Variants in GRIK2 observed in about 807,000 individuals in gnomAD.
GRIK2 encodes glutamate ionotropic receptor kainate type subunit 2.
In GRIK2, 32 loss-of-function variants were observed where a neutral mutation model predicts 100.3. The ratio of observed to expected loss-of-function variants is 0.32; its 90% CI spans 0.24 to 0.43. GRIK2 has a LOEUF of 0.43. GRIK2 is among the 20% of genes least tolerant of loss of function. GRIK2 has a pLI of 1.00. For missense variants in GRIK2, 843 were observed against 1,114.9 expected (o/e 0.76, Z 3.47); for synonymous variants, 417 against 389.4 (o/e 1.07, Z -0.83).
At chr6:101,612,170 T>TA (rs780459594) in intron 2 of GRIK2, among the ~76,000 whole-genome samples, 1 of 151,166 alleles carries the variant, frequency 6.6e-6, no homozygotes, top group Non-Finnish European at 1.5e-5. Context: ...CTGAGGATGC[T>TA]AGACCTGTTT....
intron 7 of GRIK2, among the ~76,000 whole-genome samples, chr6:101,739,641 C>A: frequency 6.6e-6 from 1 of 152,082 alleles, no homozygotes; most frequent in Non-Finnish European, 1.5e-5. Flanking sequence ...TATATTTTTT[C>A]TTTAAAAAAT....
At chr6:101,548,102 G>T (rs868845479) in intron 2 of GRIK2, among the ~76,000 whole-genome samples, 10 of 152,028 alleles carry the variant, frequency 6.6e-5, no homozygotes, top group African/African-American at 2.2e-4. Context: ...GTGTCTTTTG[G>T]CTGCATAAAT....
intron 4 of GRIK2, among the ~76,000 whole-genome samples, chr6:101,664,348 G>C (rs530347285): frequency 7.9e-5 from 12 of 152,254 alleles, no homozygotes; most frequent in African/African-American, 2.9e-4. Flanking sequence ...GTCCATGACT[G>C]GTGCTCCAGC....
chr6:101,463,237 A>C (rs1427044918), intron 2 of GRIK2, among the ~76,000 whole-genome samples: 1 of 152,148 alleles, frequency 6.6e-6, no homozygotes, highest in Non-Finnish European at 1.5e-5. Flanking sequence ...AAGACACACA[A>C]AAAGTATGAG....
chr6:101,778,292 T>C (rs1266967609), intron 7 of GRIK2, among the ~76,000 whole-genome samples: 1 of 152,170 alleles, frequency 6.6e-6, no homozygotes, highest in Admixed American at 6.5e-5. Flanking sequence ...ATGAAATCAA[T>C]GGACCATCTT....
intron 10 of GRIK2, among the ~76,000 whole-genome samples, chr6:101,848,350 T>A (rs1783926393): frequency 6.6e-6 from 1 of 152,156 alleles, no homozygotes; most frequent in Non-Finnish European, 1.5e-5. Flanking sequence ...GCTTTCACAC[T>A]ATAATGACAG....
At chr6:101,820,707 G>C (rs940488492) in intron 10 of GRIK2, among the ~76,000 whole-genome samples, 4 of 152,104 alleles carry the variant, frequency 2.6e-5, no homozygotes, top group Non-Finnish European at 5.9e-5. Context: ...CTCCCAAAGT[G>C]TTCGGATTAT....
chr6:101,476,290 C>T (rs1772225588), intron 2 of GRIK2, among the ~76,000 whole-genome samples: 1 of 152,046 alleles, frequency 6.6e-6, no homozygotes, highest in Non-Finnish European at 1.5e-5. Flanking sequence ...AAATGTTTCA[C>T]TACTAGAGAA....
chr6:101,904,011 G>C (rs567790230), intron 12 of GRIK2, among the ~76,000 whole-genome samples: 2 of 151,306 alleles, frequency 1.3e-5, no homozygotes, highest in South Asian at 2.1e-4. Context: ...TTGCAATAAA[G>C]AAATCTGATT....
At chr6:101,516,941 T>C (rs987161347) in intron 2 of GRIK2, among the ~76,000 whole-genome samples, 1 of 152,130 alleles carries the variant, frequency 6.6e-6, no homozygotes, top group African/African-American at 2.4e-5. Context: ...ATTAACAGTA[T>C]GTATTTTTGT....
chr6:101,890,804 A>T (rs1787003049), intron 12 of GRIK2, among the ~76,000 whole-genome samples: 2 of 151,964 alleles, frequency 1.3e-5, no homozygotes, highest in Admixed American at 1.3e-4. Flanking sequence ...TAAGAAGATT[A>T]GTATTGTGCC....
chr6:101,955,887 CT>C (rs1273631665), intron 14 of GRIK2, among the ~76,000 whole-genome samples: 1 of 151,818 alleles, frequency 6.6e-6, no homozygotes, highest in East Asian at 1.9e-4. Context: ...CAAGTTGTTG[CT>C]TCATTAGTTT....
At chr6:101,748,808 C>T (rs1393524229) in intron 7 of GRIK2, among the ~76,000 whole-genome samples, 2 of 133,060 alleles carry the variant, frequency 1.5e-5, no homozygotes, top group Admixed American at 7.1e-5. Flanking sequence ...ATACATGTTA[C>T]ATCATAAAAC....
rs528600734 is a variant in GRIK2, at chr6:101,475,679, AAGTTATT to A, written c.115+76288_115+76294del. Among the ~76,000 whole-genome samples the A allele has an allele frequency of 6.5e-3, 985 of 152,100 alleles. 11 individuals carry two copies. The highest frequency in any genetic ancestry group is 0.022 in the African/African-American group (931 of 41,558). ...TTTCATAATCAAAAGGAAGAAAAAT[AAGTTATT>A]CAATAATCTTATGTTTATATATAGT... On this transcript the variant is annotated intron_variant, in intron 2 of 16. Coordinates refer to ENST00000369134, the MANE Select transcript of GRIK2 (RefSeq NM_021956.5).
chr6:101,832,328 G>GA (rs1011192877), intron 10 of GRIK2, among the ~76,000 whole-genome samples: 143 of 151,790 alleles, frequency 9.4e-4, no homozygotes, highest in East Asian at 4.1e-3. Flanking sequence ...GGCTATCTAA[G>GA]AAAAAAACCC....
At chr6:101,985,522 G>A (rs1340859292) in intron 14 of GRIK2, among the ~76,000 whole-genome samples, 1 of 151,642 alleles carries the variant, frequency 6.6e-6, no homozygotes, top group South Asian at 2.1e-4. Context: ...TGCAAGTTTG[G>A]GACCATATTT....
At chr6:101,550,625 T>G (rs1346212467) in intron 2 of GRIK2, among the ~76,000 whole-genome samples, 1 of 152,202 alleles carries the variant, frequency 6.6e-6, no homozygotes, top group Non-Finnish European at 1.5e-5. Flanking sequence ...TCTTCAATTA[T>G]GCCAGCTGTC....
At chr6:101,691,584 G>A (rs1001876298) in intron 7 of GRIK2, among the ~76,000 whole-genome samples, 1 of 152,128 alleles carries the variant, frequency 6.6e-6, no homozygotes, top group Non-Finnish European at 1.5e-5. Context: ...TTATAGGTAT[G>A]AGCCACTGCG....
At chr6:101,868,293 A>G (rs1785178093) in intron 11 of GRIK2, among the ~76,000 whole-genome samples, 1 of 151,808 alleles carries the variant, frequency 6.6e-6, no homozygotes, top group African/African-American at 2.4e-5. Flanking sequence ...TCATCGCTCA[A>G]ACAAAATGTA....
Sources: gnomAD v4.1 joint callset for allele counts (sites outside exome capture counted in the v4.1 genomes callset) on GRCh38, gnomAD v4.1.1 for gene constraint, MANE v1.5 for transcripts, NCBI Gene and HGNC (gene_info 2026-07-23, HGNC 2026-07-21) for gene names.